MAN1C1: variants seen among roughly 807,000 people sequenced by gnomAD.
MAN1C1 encodes mannosyl-oligosaccharide 1,2-alpha-mannosidase IC.
Under a neutral mutation model 71.5 loss-of-function variants are expected in MAN1C1, and 49 were observed. That is an observed-to-expected ratio of 0.69 (90% CI 0.54 to 0.87). The LOEUF (loss-of-function observed/expected upper bound fraction) is 0.87. Ranked by LOEUF, MAN1C1 falls within the 40% of genes least tolerant of loss-of-function variation. The pLI is 0.00. For missense variants in MAN1C1, 743 were observed against 835.0 expected, an observed-to-expected ratio of 0.89 and a Z score of 1.36; for synonymous variants, 352 against 343.7, an observed-to-expected ratio of 1.02 and a Z score of -0.27.
chr1:25,752,438 A>G (rs1268416412), intron 4 of MAN1C1, among the ~76,000 whole-genome samples: 9 of 152,276 alleles, frequency 5.9e-5, no homozygotes, highest in Non-Finnish European at 1.2e-4. Flanking sequence ...AAATGCTGGG[A>G]TTACAGGCAT....
At chr1:25,704,999 C>T (rs979795386) in intron 2 of MAN1C1, among the ~76,000 whole-genome samples, 5 of 152,224 alleles carry the variant, frequency 3.3e-5, no homozygotes, top group African/African-American at 1.2e-4. Flanking sequence ...CTTCATGCCT[C>T]TTCTCAGTTG....
chr1:25,660,833 G>A (rs1475403436), intron 1 of MAN1C1, among the ~76,000 whole-genome samples: 1 of 152,110 alleles, frequency 6.6e-6, no homozygotes, highest in African/African-American at 2.4e-5. Flanking sequence ...TGGGACCACA[G>A]GTGCATGCAA....
chr1:25,618,942 A>G (rs1387039868), intron 1 of MAN1C1, among the ~76,000 whole-genome samples: 2 of 152,194 alleles, frequency 1.3e-5, no homozygotes, highest in Non-Finnish European at 2.9e-5. Flanking sequence ...AATTGTACAT[A>G]ATTGCATATG....
At chr1:25,699,034 C>T (rs2124211097) in intron 2 of MAN1C1, among the ~76,000 whole-genome samples, 1 of 151,746 alleles carries the variant, frequency 6.6e-6, no homozygotes, top group East Asian at 2.0e-4. Context: ...AGGCTGGGCG[C>T]AGTGCCTCAC....
chr1:25,672,029 A>AAC (rs2045999983), intron 1 of MAN1C1, among the ~76,000 whole-genome samples: 1 of 152,226 alleles, frequency 6.6e-6, no homozygotes, highest in Non-Finnish European at 1.5e-5. Flanking sequence ...AGCATGGCTC[A>AAC]GTCCAAGCCC....
At chr1:25,679,722 A>G (rs1557762018) in intron 1 of MAN1C1, among the ~76,000 whole-genome samples, 1 of 151,954 alleles carries the variant, frequency 6.6e-6, no homozygotes, top group Non-Finnish European at 1.5e-5. Context: ...TATATCATAT[A>G]TATGCACACT....
intron 2 of MAN1C1, among the ~76,000 whole-genome samples, chr1:25,743,294 A>G (rs1354694634): frequency 6.6e-6 from 1 of 152,216 alleles, no homozygotes; most frequent in Admixed American, 6.5e-5. Flanking sequence ...GGAACAGGAA[A>G]GTGGACCAAC....
At chr1:25,728,393 A>G (rs1464799963) in intron 2 of MAN1C1, among the ~76,000 whole-genome samples, 1 of 152,128 alleles carries the variant, frequency 6.6e-6, no homozygotes, top group Non-Finnish European at 1.5e-5. Context: ...GGCACTCACA[A>G]CAATCTGTTT....
intron 1 of MAN1C1, among the ~76,000 whole-genome samples, chr1:25,624,909 T>C (rs1256580338): frequency 6.6e-6 from 1 of 152,158 alleles, no homozygotes; most frequent in African/African-American, 2.4e-5. Context: ...GTTTGTTCTT[T>C]GTGATCTCAT....
rs1388958641 is a variant in MAN1C1 at position 25,764,802 on chromosome 1, C to A, written c.1141+835C>A. On this transcript the variant is annotated intron_variant, in intron 7 of 11. Transcript: ENST00000374332. This position sits in a 1 kb window ranked among gnomAD's most constrained non-coding sequence, Gnocchi z 4.4. ...AGAAATCATGAATTCAGGCCAAGCA[C>A]CTGACGGGAGGCCGAGGCAGGCGGA... Among the ~76,000 whole-genome samples the A allele has an allele frequency of 1.3e-5, 2 of 152,064 alleles. No individual in the cohort carries two copies. Among genetic ancestry groups the A allele is most frequent in the Admixed American group, 1.3e-4 (2 of 15,270 alleles).
chr1:25,686,357 T>C (rs1191161779), intron 1 of MAN1C1, 83 bp from the exon 2 acceptor site: 2 of 1,138,120 alleles, frequency 1.8e-6, no homozygotes, highest in East Asian at 2.4e-5. Flanking sequence ...AAAAACACGT[T>C]GCAAGGGGCA....
Position 25,628,107 on chromosome 1 carries a change from G to C in MAN1C1, c.540+9770G>C, listed in dbSNP as rs545032736. Among the ~76,000 whole-genome samples, 46 of 152,150 alleles carry C rather than the reference G, an allele frequency of 3.0e-4. No homozygotes were observed. In the South Asian group the frequency reaches 9.3e-3, roughly 31 times the overall value. On this transcript the variant is annotated intron_variant, in intron 1 of 11. Transcript: ENST00000374332. The stretch of plus-strand genomic sequence containing the variant: ...CATAGATCAAATTGTTATCTTAACA[G>C]TATTGGGTCTTTCATTCTATGAATG...
intron 1 of MAN1C1, among the ~76,000 whole-genome samples, chr1:25,665,048 C>T (rs1220168497): frequency 6.6e-6 from 1 of 152,176 alleles, no homozygotes; most frequent in South Asian, 2.1e-4. Flanking sequence ...ATTATAGGCC[C>T]CTCCATTCCC....
At chr1:25,625,458 C>T (rs1034687223) in intron 1 of MAN1C1, among the ~76,000 whole-genome samples, 3 of 152,222 alleles carry the variant, frequency 2.0e-5, no homozygotes, top group Admixed American at 1.3e-4. Flanking sequence ...TCTCACCTAG[C>T]CCCTATCACA....
rs943766579 is a variant in MAN1C1, at chr1:25,764,173, G to T, written c.1141+206G>T. Among the ~76,000 whole-genome samples the T allele has an allele frequency of 6.6e-6, 1 of 152,172 alleles. No individual in the cohort carries two copies. Among genetic ancestry groups the T allele is most frequent in the African/African-American group, 2.4e-5 (1 of 41,440 alleles). ...GTGGTTGTCTGCTGCTGCAGTGCCG[G>T]ATGTGATGGCTGCTGTTTACTGAAG... On this transcript the variant is annotated intron_variant, in intron 7 of 11. Transcript: ENST00000374332. This position sits in a 1 kb window ranked among gnomAD's most constrained non-coding sequence, Gnocchi z 4.4.
At chr1:25,732,321 G>T (rs1452508793) in intron 2 of MAN1C1, among the ~76,000 whole-genome samples, 2 of 152,196 alleles carry the variant, frequency 1.3e-5, no homozygotes. Context: ...CTCCCAAGTT[G>T]TGCAGGAATG....
chr1:25,619,004 A>G (rs1027765553), intron 1 of MAN1C1, among the ~76,000 whole-genome samples: 1 of 152,220 alleles, frequency 6.6e-6, no homozygotes, highest in Admixed American at 6.5e-5. Flanking sequence ...CTCCGAGGTT[A>G]TTGGCATAAT....
At chr1:25,626,364 C>CTT (rs1032347283) in intron 1 of MAN1C1, among the ~76,000 whole-genome samples, 1 of 144,726 alleles carries the variant, frequency 6.9e-6, no homozygotes, top group African/African-American at 2.5e-5. Context: ...TTCTTTCTTT[C>CTT]TTTTTTTTTT....
rs1479644581 is a variant in MAN1C1 at position 25,753,898 on chromosome 1, C to T, written c.929+320C>T. 6.6e-6 allele frequency among the ~76,000 whole-genome samples: 1 copy of T among 152,110 alleles called. No individual in the cohort carries two copies. The highest frequency in any genetic ancestry group is 2.1e-4 in the South Asian group (1 of 4,820). ...ATAAGCCTGAGCCTCCTGGGGTGGG[C>T]GGGGGCAGTTCCTCTGGACATCCCA... On this transcript the variant is annotated intron_variant, in intron 5 of 11. Coordinates refer to ENST00000374332, the MANE Select transcript of MAN1C1 (RefSeq NM_020379.4). This position sits in a 1 kb window ranked among gnomAD's most constrained non-coding sequence, Gnocchi z 4.9.
Sources: gnomAD v4.1 joint callset for allele counts (sites outside exome capture counted in the v4.1 genomes callset) on GRCh38, gnomAD v4.1.1 for gene constraint, Gnocchi (gnomAD v3.1) non-coding constraint, MANE v1.5 for transcripts, NCBI Gene and HGNC (gene_info 2026-07-23, HGNC 2026-07-21) for gene names.